COL9A1: variants seen among roughly 807,000 people sequenced by gnomAD.
COL9A1 encodes collagen alpha-1(IX) chain.
Under a neutral mutation model 142.6 loss-of-function variants are expected in COL9A1, and 104 were observed. The ratio of observed to expected loss-of-function variants is 0.73; its 90% confidence interval spans 0.62 to 0.86. The LOEUF (loss-of-function observed/expected upper bound fraction) is 0.86, where lower values mean the gene tolerates loss of function less well. Ranked by LOEUF, COL9A1 falls within the 40% of genes least tolerant of loss-of-function variation. COL9A1 has a pLI of 0.00. For missense variants in COL9A1, 1,210 were observed against 1,176.6 expected, an observed-to-expected ratio of 1.03 and a Z score of -0.42; for synonymous variants, 466 against 396.0, an observed-to-expected ratio of 1.18 and a Z score of -2.10.
intron 33 of COL9A1, among the ~76,000 whole-genome samples, chr6:70,236,974 A>G (rs1769950478): frequency 1.3e-5 from 2 of 152,178 alleles, no homozygotes; most frequent in Non-Finnish European, 1.5e-5. Context: ...GGCGTGCGCC[A>G]TGACACCTGG....
At chr6:70,242,109 T>G in intron 29 of COL9A1, 74 bp from the exon 30 acceptor site, 1 of 1,289,062 alleles carries the variant, frequency 7.8e-7, no homozygotes, top group Non-Finnish European at 1.1e-6. Context: ...GAAACAACCT[T>G]GGGTGTGTTG....
intron 5 of COL9A1, among the ~76,000 whole-genome samples, chr6:70,285,212 G>A (rs962201702): frequency 6.6e-6 from 1 of 152,194 alleles, no homozygotes; most frequent in Non-Finnish European, 1.5e-5. Flanking sequence ...GGATAATGGG[G>A]GAATGAAATG....
At chr6:70,297,153 C>A (rs558993242) in intron 4 of COL9A1, among the ~76,000 whole-genome samples, 1 of 152,024 alleles carries the variant, frequency 6.6e-6, no homozygotes, top group African/African-American at 2.4e-5. Context: ...TAGGAAAGAA[C>A]ATAATGTCTT....
chr6:70,283,495 G>C (rs773299671), intron 6 of COL9A1, among the ~76,000 whole-genome samples: 1 of 152,200 alleles, frequency 6.6e-6, no homozygotes, highest in Non-Finnish European at 1.5e-5. Context: ...CTACCAAAGG[G>C]ACAACCACAC....
intron 34 of COL9A1, 45 bp downstream of exon 34, chr6:70,234,749 G>A: frequency 6.2e-7 from 1 of 1,613,464 alleles, no homozygotes; most frequent in Non-Finnish European, 8.5e-7. Context: ...GCTGCTGTGG[G>A]ATGGAGTCTC....
chr6:70,230,253 A>G (rs1324853811), intron 36 of COL9A1, among the ~76,000 whole-genome samples: 4 of 152,214 alleles, frequency 2.6e-5, no homozygotes, highest in Non-Finnish European at 5.9e-5. Flanking sequence ...GACAAGAAGA[A>G]TCAAATCCAG....
intron 33 of COL9A1, among the ~76,000 whole-genome samples, chr6:70,238,093 T>C (rs1265315442): frequency 2.6e-5 from 4 of 152,226 alleles, no homozygotes; most frequent in African/African-American, 9.6e-5. Context: ...TCTGATTTTA[T>C]TCTTAAAGAG....
chr6:70,251,979 C>G, intron 28 of COL9A1, 141 bp downstream of exon 28: 1 of 911,432 alleles, frequency 1.1e-6, no homozygotes, highest in African/African-American at 1.6e-5. Context: ...ATCTAAATAG[C>G]ATTTCATCTC....
intron 25 of COL9A1, among the ~76,000 whole-genome samples, 187 bp from the exon 26 acceptor site, chr6:70,253,616 G>A (rs1258579758): frequency 6.6e-6 from 1 of 152,182 alleles, no homozygotes; most frequent in Non-Finnish European, 1.5e-5. Flanking sequence ...AGTTTAGAGG[G>A]CATGACTTTA....
chr6:70,271,947 G>C (rs1469111928), intron 13 of COL9A1, 118 bp downstream of exon 13: 1 of 1,070,484 alleles, frequency 9.3e-7, no homozygotes, highest in Admixed American at 1.9e-5. Flanking sequence ...CTAAGATCTT[G>C]CAGGTAGAAC....
intron 28 of COL9A1, chr6:70,245,571 A>G (rs983998418): frequency 4.6e-5 from 7 of 152,206 alleles, no homozygotes; most frequent in African/African-American, 7.2e-5. Flanking sequence ...CCCAGTTGCT[A>G]ATATTTATAA....
At chr6:70,228,889 G>C (rs777546335) in intron 36 of COL9A1, among the ~76,000 whole-genome samples, 1 of 151,986 alleles carries the variant, frequency 6.6e-6, no homozygotes, top group Non-Finnish European at 1.5e-5. Context: ...TAAACTAATG[G>C]CATAAGCATT....
At chr6:70,281,213 G>A (rs1171946402) in intron 8 of COL9A1, among the ~76,000 whole-genome samples, 174 bp from the exon 9 acceptor site, 1 of 151,768 alleles carries the variant, frequency 6.6e-6, no homozygotes, top group Non-Finnish European at 1.5e-5. Context: ...AAATCCCCGG[G>A]TTCCTAGGAT....
intron 5 of COL9A1, among the ~76,000 whole-genome samples, chr6:70,285,340 A>T (rs745365220): frequency 5.9e-5 from 9 of 152,194 alleles, no homozygotes; most frequent in Non-Finnish European, 1.3e-4. Flanking sequence ...TCTATACAAC[A>T]ACCGTTTTTT....
chr6:70,225,027 T>C (rs998639900), intron 37 of COL9A1, among the ~76,000 whole-genome samples: 1 of 152,174 alleles, frequency 6.6e-6, no homozygotes, highest in Non-Finnish European at 1.5e-5. Context: ...ATTAGAAAAT[T>C]GTAATTTCTT....
chr6:70,302,897 G>A lies in COL9A1; in HGVS notation c.14+14C>T, dbSNP rs780734437. 3 of 1,613,688 alleles carry A rather than the reference G, an allele frequency of 1.9e-6. No homozygotes were observed. Among genetic ancestry groups the A allele is most frequent in the African/African-American group, 1.3e-5 (1 of 74,840 alleles). On this transcript the variant is annotated intron_variant, in intron 1 of 37. Transcript: ENST00000357250. The stretch of plus-strand genomic sequence containing the variant: ...TCCATCTCCCCACCACTCTTTCCAG[G>A]GTTATTGTCTTACCAGCAGGTCTTC...
chr6:70,285,858 G>A (rs1477436658), intron 5 of COL9A1, among the ~76,000 whole-genome samples: 1 of 152,022 alleles, frequency 6.6e-6, no homozygotes, highest in Non-Finnish European at 1.5e-5. Flanking sequence ...CCCAGATTTA[G>A]GATTATTCAA....
chr6:70,283,234 G>T, intron 6 of COL9A1: 1 of 1,452,626 alleles, frequency 6.9e-7, no homozygotes, highest in Non-Finnish European at 9.0e-7. Context: ...GAATGGCCCC[G>T]GAGAGGGTCC....
chr6:70,234,580 G>T lies in COL9A1; in HGVS notation c.2273C>A (p.Thr758Lys), dbSNP rs755633374. The T allele has an allele frequency of 6.2e-7, 1 of 1,614,192 alleles. No homozygotes were observed. Among genetic ancestry groups the T allele is most frequent in the Non-Finnish European group, 8.5e-7 (1 of 1,180,034 alleles). Residue 758 changes from threonine to lysine, a missense_variant, in exon 35 of 38, where the codon ACA (threonine) becomes AAA (lysine). Thr to Lys is a moderately conservative substitution (Grantham distance 78, BLOSUM62 -1). Transcript: ENST00000357250. ...GVQGPPGRAP[T>K]DQHIKQVCMR... Reference sequence around the variant, plus strand: ...GCAAACCTGCTTAATGTGCTGATCTGTCGGTGCTCTACCCTGGGACAGAAA... The same window carrying T: ...GCAAACCTGCTTAATGTGCTGATCTTTCGGTGCTCTACCCTGGGACAGAAA...
Sources: allele counts gnomAD v4.1 joint callset (sites outside exome capture counted in the v4.1 genomes callset), GRCh38; gene constraint gnomAD v4.1.1; transcripts MANE v1.5; gene names NCBI Gene and HGNC (gene_info 2026-07-23, HGNC 2026-07-21).